The following MYRIP variants were observed in gnomAD, a reference collection of about 807,000 sequenced individuals.
The protein encoded by MYRIP is rab effector MyRIP.
A neutral mutation model predicts 98.0 loss-of-function variants in MYRIP; 49 were observed. That is an observed-to-expected ratio of 0.50 (90% CI 0.40 to 0.63). The LOEUF is 0.63. Ranked by LOEUF, MYRIP falls within the 30% of genes least tolerant of loss-of-function variation. The pLI is 0.00. For missense variants in MYRIP, 1,004 were observed against 1,058.2 expected, an observed-to-expected ratio of 0.95 and a Z score of 0.71; for synonymous variants, 404 against 409.5, an observed-to-expected ratio of 0.99 and a Z score of 0.16.
At chr3:40,236,889 G>T (rs1427575361) in intron 12 of MYRIP, among the ~76,000 whole-genome samples, 2 of 152,110 alleles carry the variant, frequency 1.3e-5, no homozygotes, top group Non-Finnish European at 2.9e-5. Context: ...ATGTTGCCCA[G>T]ACTGGTATCA....
chr3:40,077,507 T>C (rs1948373492), intron 3 of MYRIP, among the ~76,000 whole-genome samples: 2 of 147,536 alleles, frequency 1.4e-5, no homozygotes, highest in African/African-American at 4.9e-5. Flanking sequence ...AGCTAGATAC[T>C]GTGTGTGGAC....
At chr3:40,152,995 T>C (rs1950151318) in intron 4 of MYRIP, among the ~76,000 whole-genome samples, 1 of 151,348 alleles carries the variant, frequency 6.6e-6, no homozygotes, top group Non-Finnish European at 1.5e-5. Context: ...GGCATGCACC[T>C]GTCCTTTGAG....
intron 8 of MYRIP, among the ~76,000 whole-genome samples, chr3:40,172,748 G>T (rs1056723038): frequency 6.6e-6 from 1 of 152,054 alleles, no homozygotes; most frequent in African/African-American, 2.4e-5. Context: ...CCCACTATGG[G>T]TCCTCACCAG....
chr3:39,882,006 T>C (rs1943168421), intron 1 of MYRIP, among the ~76,000 whole-genome samples: 1 of 152,162 alleles, frequency 6.6e-6, no homozygotes, highest in South Asian at 2.1e-4. Flanking sequence ...ATGAATGTTT[T>C]AATCCAATAC....
chr3:40,107,956 C>A (rs1366935360), intron 3 of MYRIP, among the ~76,000 whole-genome samples: 2 of 152,156 alleles, frequency 1.3e-5, no homozygotes, highest in Non-Finnish European at 2.9e-5. Flanking sequence ...AAATGCAAAA[C>A]CAACTGCATC....
chr3:40,221,042 C>CAA (rs150976340), intron 11 of MYRIP, among the ~76,000 whole-genome samples: 352 of 61,390 alleles, frequency 5.7e-3, no homozygotes, highest in African/African-American at 0.013. Context: ...GGCAAGTCAC[C>CAA]AAAAAAAAAA....
At chr3:40,112,389 G>A (rs147776461) in intron 3 of MYRIP, among the ~76,000 whole-genome samples, 3 of 152,266 alleles carry the variant, frequency 2.0e-5, no homozygotes, top group Non-Finnish European at 4.4e-5. Context: ...CTCAGTAAAT[G>A]TTTGTGAGAA....
At chr3:40,035,581 G>A (rs1298783930) in intron 2 of MYRIP, among the ~76,000 whole-genome samples, 4 of 151,940 alleles carry the variant, frequency 2.6e-5, no homozygotes, top group African/African-American at 4.8e-5. Context: ...GGAAGGGGGC[G>A]TAAAAGAAGT....
intron 1 of MYRIP, among the ~76,000 whole-genome samples, chr3:39,887,864 A>AC (rs1943353265): frequency 2.0e-5 from 3 of 152,150 alleles, no homozygotes; most frequent in Non-Finnish European, 4.4e-5. Flanking sequence ...AAAAATCACA[A>AC]GCATTCTTCT....
chr3:40,059,044 T>C (rs1947945273), intron 3 of MYRIP, among the ~76,000 whole-genome samples: 1 of 151,964 alleles, frequency 6.6e-6, no homozygotes. Flanking sequence ...TTTGGTTTTC[T>C]GTTCTGTTTT....
At chr3:39,996,198 T>G (rs1575448509) in intron 2 of MYRIP, among the ~76,000 whole-genome samples, 2 of 152,208 alleles carry the variant, frequency 1.3e-5, no homozygotes, top group South Asian at 2.1e-4. Context: ...ACCTTAAATG[T>G]AAATGGACTA....
intron 2 of MYRIP, among the ~76,000 whole-genome samples, chr3:39,980,390 A>G (rs556478180): frequency 6.6e-6 from 1 of 152,342 alleles, no homozygotes; most frequent in African/African-American, 2.4e-5. Context: ...CCATAAGGCC[A>G]AAGGCAGTTT....
chr3:40,082,868 C>T (rs1442713770), intron 3 of MYRIP, among the ~76,000 whole-genome samples: 1 of 152,172 alleles, frequency 6.6e-6, no homozygotes, highest in Non-Finnish European at 1.5e-5. Flanking sequence ...CCCATAACTC[C>T]TTCTGTAATA....
chr3:39,842,018 G>T (rs1426992554), intron 1 of MYRIP, among the ~76,000 whole-genome samples: 1 of 152,116 alleles, frequency 6.6e-6, no homozygotes, highest in East Asian at 1.9e-4. Context: ...TTCAGAGCCG[G>T]CAGGCAGGAA....
chr3:40,198,884 T>TTA (rs1460309926), intron 10 of MYRIP, among the ~76,000 whole-genome samples: 1 of 152,116 alleles, frequency 6.6e-6, no homozygotes, highest in Non-Finnish European at 1.5e-5. Context: ...GCTCCAGAAA[T>TTA]AATTTAAAGT....
chr3:40,095,287 TG>T (rs1349067495), intron 3 of MYRIP, among the ~76,000 whole-genome samples: 2 of 152,196 alleles, frequency 1.3e-5, no homozygotes, highest in Non-Finnish European at 2.9e-5. Flanking sequence ...CTGTCAGGCC[TG>T]GGGCTATAAA....
At chr3:40,069,959 G>A (rs1052147049) in intron 3 of MYRIP, among the ~76,000 whole-genome samples, 1 of 152,092 alleles carries the variant, frequency 6.6e-6, no homozygotes, top group African/African-American at 2.4e-5. Context: ...TGCTTAAAGT[G>A]GTTCGCAGTA....
intron 2 of MYRIP, among the ~76,000 whole-genome samples, chr3:39,962,538 G>A (rs539960135): frequency 1.2e-4 from 19 of 152,046 alleles, no homozygotes; most frequent in African/African-American, 4.6e-4. Context: ...TTATCTCTGG[G>A]TGAAATGGTG....
intron 10 of MYRIP, among the ~76,000 whole-genome samples, chr3:40,194,415 A>C (rs1321300907): frequency 6.6e-6 from 1 of 152,056 alleles, no homozygotes; most frequent in African/African-American, 2.4e-5. Context: ...TTGATCTAGA[A>C]GCCCGATTCC....
Sources: allele counts gnomAD v4.1 joint callset (sites outside exome capture counted in the v4.1 genomes callset), GRCh38; gene constraint gnomAD v4.1.1; transcripts MANE v1.5; gene names NCBI Gene and HGNC (gene_info 2026-07-23, HGNC 2026-07-21).